Variants in SPATA6 observed in about 807,000 individuals in gnomAD.
The protein encoded by SPATA6 is spermatogenesis-associated protein 6.
SPATA6 carries 56 observed loss-of-function variants against 65.3 expected under a neutral mutation model. The ratio of observed to expected loss-of-function variants is 0.86; its 90% confidence interval spans 0.69 to 1.07. SPATA6 has a LOEUF of 1.07. SPATA6 is among the 50% of genes least tolerant of loss of function. The pLI is 0.00. For missense variants in SPATA6, 590 were observed against 594.8 expected (o/e 0.99, Z 0.08); for synonymous variants, 199 against 213.2 (o/e 0.93, Z 0.58).
chr1:48,280,096 G>A, the SPATA6 span, among the ~76,000 whole-genome samples: 17 of 152,164 alleles, frequency 1.1e-4, no homozygotes, highest in African/African-American at 2.9e-4. Context: ...GGTACATAAC[G>A]AAATGAAGGC....
chr1:48,343,336 TA>T (rs113070336), intron 11 of SPATA6, among the ~76,000 whole-genome samples: 1 of 151,472 alleles, frequency 6.6e-6, no homozygotes, highest in Non-Finnish European at 1.5e-5. Context: ...CACAATTATC[TA>T]AAAAAAAGGA....
At chr1:48,285,877 C>G in the SPATA6 span, among the ~76,000 whole-genome samples, 1 of 152,186 alleles carries the variant, frequency 6.6e-6, no homozygotes, top group Admixed American at 6.5e-5. Flanking sequence ...AGAACTGTTC[C>G]TATTCAGCCA....
intron 11 of SPATA6, among the ~76,000 whole-genome samples, chr1:48,347,273 C>G (rs1646390354): frequency 6.6e-6 from 1 of 151,338 alleles, no homozygotes; most frequent in African/African-American, 2.4e-5. Context: ...ATGCAGAAGG[C>G]TGAAAGTGGG....
At chr1:48,305,921 T>C (rs1468337615) in intron 11 of SPATA6, 43 bp from the exon 12 acceptor site, 1 of 1,470,414 alleles carries the variant, frequency 6.8e-7, no homozygotes, top group Non-Finnish European at 9.4e-7. Context: ...TGTCTCATTG[T>C]CCCCAAAATG....
chr1:48,272,068 A>G, the SPATA6 span, among the ~76,000 whole-genome samples: 1 of 152,140 alleles, frequency 6.6e-6, no homozygotes, highest in Non-Finnish European at 1.5e-5. Context: ...TATCATTGAC[A>G]TAAAAAAATT....
intron 12 of SPATA6, among the ~76,000 whole-genome samples, chr1:48,301,702 TAGAG>T (rs1170330563): frequency 6.6e-6 from 1 of 152,070 alleles, no homozygotes; most frequent in Non-Finnish European, 1.5e-5. Context: ...TGGAACAGAA[TAGAG>T]AATGAAGAAA....
chr1:48,364,130 C>A (rs959188852), intron 9 of SPATA6, among the ~76,000 whole-genome samples: 1 of 152,174 alleles, frequency 6.6e-6, no homozygotes, highest in Non-Finnish European at 1.5e-5. Flanking sequence ...AGGACATGAA[C>A]TCATCATTTT....
chr1:48,396,654 CA>C (rs1650621198), intron 7 of SPATA6, among the ~76,000 whole-genome samples: 1 of 151,546 alleles, frequency 6.6e-6, no homozygotes. Flanking sequence ...CTAAGTTAAA[CA>C]AGCCAATCGA....
At chr1:48,368,368 T>C (rs943529548) in intron 9 of SPATA6, among the ~76,000 whole-genome samples, 11 of 152,248 alleles carry the variant, frequency 7.2e-5, no homozygotes, top group African/African-American at 2.4e-4. Context: ...GAATTTCTCC[T>C]GGATAATATC....
chr1:48,276,149 T>C, the SPATA6 span, among the ~76,000 whole-genome samples: 2 of 152,206 alleles, frequency 1.3e-5, no homozygotes, highest in Non-Finnish European at 2.9e-5. Flanking sequence ...TATTCTCTGA[T>C]GGTATTTGTA....
At chr1:48,369,641 T>G (rs1470306774) in intron 9 of SPATA6, among the ~76,000 whole-genome samples, 1 of 152,218 alleles carries the variant, frequency 6.6e-6, no homozygotes, top group Non-Finnish European at 1.5e-5. Flanking sequence ...AGCGCAGTAG[T>G]GGGGTGGGAG....
chr1:48,404,015 T>C, intron 5 of SPATA6, 133 bp from the exon 6 acceptor site: 1 of 605,898 alleles, frequency 1.7e-6, no homozygotes, highest in African/African-American at 1.9e-5. Context: ...GAACTTTTCA[T>C]TAAAGATAAA....
chr1:48,347,124 A>T (rs1266736370), intron 11 of SPATA6, among the ~76,000 whole-genome samples: 1 of 151,984 alleles, frequency 6.6e-6, no homozygotes, highest in Non-Finnish European at 1.5e-5. Flanking sequence ...AGACACATAG[A>T]CCAATGGAAC....
chr1:48,300,076 T>A (rs1018071587), intron 12 of SPATA6, among the ~76,000 whole-genome samples: 1 of 152,112 alleles, frequency 6.6e-6, no homozygotes, highest in East Asian at 1.9e-4. Context: ...AGGAAGCCCA[T>A]AGGAAGCTAA....
intron 11 of SPATA6, among the ~76,000 whole-genome samples, chr1:48,321,676 A>G (rs1645602338): frequency 1.3e-5 from 2 of 152,306 alleles, no homozygotes; most frequent in Admixed American, 6.5e-5. Flanking sequence ...TAAACCTAAT[A>G]GATATTTACA....
intron 9 of SPATA6, among the ~76,000 whole-genome samples, chr1:48,376,651 C>T (rs1033870959): frequency 1.3e-5 from 2 of 151,984 alleles, no homozygotes; most frequent in African/African-American, 4.8e-5. Context: ...GTCATGTGTT[C>T]TCATTGTTAA....
intron 3 of SPATA6, chr1:48,436,948 G>T: frequency 6.2e-7 from 1 of 1,613,194 alleles, no homozygotes; most frequent in Non-Finnish European, 8.5e-7. Context: ...AGTAAATAGT[G>T]ACCGATTACA....
At chr1:48,470,886 G>A (rs941468018) in intron 1 of SPATA6, among the ~76,000 whole-genome samples, 63 of 152,164 alleles carry the variant, frequency 4.1e-4, no homozygotes, top group African/African-American at 1.4e-3. Flanking sequence ...ATATACATAA[G>A]AAGACTTACT....
the SPATA6 span, among the ~76,000 whole-genome samples, chr1:48,279,324 C>A: frequency 6.6e-6 from 1 of 152,146 alleles, no homozygotes; most frequent in Non-Finnish European, 1.5e-5. Flanking sequence ...CAAATTCACA[C>A]ATAACGATAT....
Sources: gnomAD v4.1 joint callset for allele counts (sites outside exome capture counted in the v4.1 genomes callset) on GRCh38, gnomAD v4.1.1 for gene constraint, MANE v1.5 for transcripts, NCBI Gene and HGNC (gene_info 2026-07-23, HGNC 2026-07-21) for gene names.